The following DENND4C variants were observed in gnomAD, a reference collection of about 807,000 sequenced individuals.
DENND4C encodes DENN domain containing 4C.
Under a neutral mutation model 203.0 loss-of-function variants are expected in DENND4C, and 108 were observed. The ratio of observed to expected loss-of-function variants is 0.53; its 90% confidence interval spans 0.46 to 0.62. The LOEUF is 0.62. Ranked by LOEUF, DENND4C falls within the 20% of genes least tolerant of loss-of-function variation. DENND4C has a pLI of 0.00. For missense variants in DENND4C, 2,481 were observed against 2,301.2 expected, an observed-to-expected ratio of 1.08 and a Z score of -1.60; for synonymous variants, 871 against 792.4, an observed-to-expected ratio of 1.10 and a Z score of -1.67.
At chr9:19,259,662 C>A (rs1162822832) in intron 1 of DENND4C, among the ~76,000 whole-genome samples, 2 of 152,002 alleles carry the variant, frequency 1.3e-5, no homozygotes, top group Non-Finnish European at 2.9e-5. Flanking sequence ...TGTCCCACCA[C>A]TCCTGGCTAA....
chr9:19,336,058 A>T (rs1053873782), intron 18 of DENND4C, among the ~76,000 whole-genome samples: 6 of 152,030 alleles, frequency 3.9e-5, no homozygotes, highest in African/African-American at 1.5e-4. Flanking sequence ...TATTCTAACA[A>T]GTATGAGGTG....
intron 1 of DENND4C, among the ~76,000 whole-genome samples, chr9:19,231,297 G>T (rs930516229): frequency 3.3e-5 from 5 of 152,158 alleles, no homozygotes; most frequent in African/African-American, 1.2e-4. Context: ...GGAGTCGGGG[G>T]ACTGAGAAGT....
chr9:19,365,449 A>G (rs1439268312), intron 30 of DENND4C, among the ~76,000 whole-genome samples: 1 of 152,144 alleles, frequency 6.6e-6, no homozygotes, highest in Non-Finnish European at 1.5e-5. Context: ...CATACTCTTA[A>G]CATACTTTCT....
At chr9:19,368,119 CTT>C (rs1452396431) in intron 30 of DENND4C, among the ~76,000 whole-genome samples, 2 of 152,092 alleles carry the variant, frequency 1.3e-5, no homozygotes, top group Non-Finnish European at 2.9e-5. Flanking sequence ...TGGTTTGAGA[CTT>C]ATCTCAATAA....
rs112631399 is a variant in DENND4C, at chr9:19,334,959, AT to A, written c.2461-6del. On this transcript the variant is annotated splice_polypyrimidine_tract_variant and intron_variant, in intron 17 of 32. Transcript: ENST00000434457. ...ATTAGTATACTAATTACTGACACTG[AT>A]TTTTTTTTTTTGTTAGGTGTGCTAT... The A allele has an allele frequency of 0.094, 89,068 of 944,440 alleles. 1 individual carries two copies. Among genetic ancestry groups the A allele is most frequent in the South Asian group, 0.13 (7,178 of 54,412 alleles). The allele number at this position is 944,440 out of a possible 1,614,324, so 58.5% of individuals were successfully genotyped here.
At chr9:19,370,049 C>T in intron 31 of DENND4C, 62 bp downstream of exon 31, 1 of 1,574,448 alleles carries the variant, frequency 6.4e-7, no homozygotes, top group Non-Finnish European at 8.7e-7. Flanking sequence ...AAAAAAATAT[C>T]TTACTTTTAA....
chr9:19,358,114 A>G lies in DENND4C; in HGVS notation c.5114A>G (p.His1705Arg), dbSNP rs374436723. 2.6e-5 allele frequency: 42 copies of G among 1,613,816 alleles called. No homozygotes were observed. Among genetic ancestry groups the G allele is most frequent in the Non-Finnish European group, 4.2e-6 (5 of 1,179,840 alleles). The change falls in exon 28 of 33, where the codon CAT becomes CGT. Residue 1705 changes from histidine to arginine, a missense_variant. By Grantham distance (29) the His-to-Arg change is conservative. Transcript: ENST00000434457. The surrounding 1 kb of genome is among the most constrained non-coding windows in gnomAD (Gnocchi z 4.8). ...QNIDFTQRPFHGISTVSLPNS... is the reference protein window; with the variant it reads ...QNIDFTQRPFRGISTVSLPNS... ...ATTGACTTTACCCAGCGACCGTTTC[A>G]TGGCATCTCAACAGTTAGTCTTCCA...
intron 13 of DENND4C, among the ~76,000 whole-genome samples, chr9:19,325,632 C>CT (rs1237073872): frequency 2.0e-5 from 3 of 152,046 alleles, no homozygotes; most frequent in African/African-American, 7.2e-5. Context: ...ATGTCAATCA[C>CT]TAATAAAGGG....
intron 1 of DENND4C, among the ~76,000 whole-genome samples, chr9:19,270,096 C>A (rs953558479): frequency 6.6e-6 from 1 of 152,116 alleles, no homozygotes; most frequent in African/African-American, 2.4e-5. Flanking sequence ...TGTTCTCTTT[C>A]CTTATTTTCC....
chr9:19,239,982 C>G (rs779376156), intron 1 of DENND4C, among the ~76,000 whole-genome samples: 1 of 152,110 alleles, frequency 6.6e-6, no homozygotes, highest in Non-Finnish European at 1.5e-5. Context: ...TTTCTGTTTA[C>G]TTGTTCTGTG....
intron 1 of DENND4C, among the ~76,000 whole-genome samples, chr9:19,241,036 A>G (rs1465435590): frequency 6.6e-6 from 1 of 152,208 alleles, no homozygotes; most frequent in African/African-American, 2.4e-5. Flanking sequence ...TAAACGTGGT[A>G]CACCTATAAT....
chr9:19,334,938 G>GT, intron 17 of DENND4C, 39 bp from the exon 18 acceptor site: 1 of 1,544,022 alleles, frequency 6.5e-7, no homozygotes, highest in African/African-American at 1.4e-5. Flanking sequence ...AGATAGATTA[G>GT]TATACTAATT....
intron 10 of DENND4C, among the ~76,000 whole-genome samples, chr9:19,312,314 G>A (rs1400039706): frequency 4.6e-5 from 7 of 152,074 alleles, no homozygotes; most frequent in Admixed American, 4.6e-4. Context: ...TGTTGGCCAG[G>A]CTGGTTTCAA....
At chr9:19,230,966 G>T (rs1408856752) in intron 1 of DENND4C, 133 bp downstream of exon 1, 1 of 152,374 alleles carries the variant, frequency 6.6e-6, no homozygotes, top group African/African-American at 2.4e-5. Context: ...GGCCCGCGGG[G>T]GGTCGCCGAG....
intron 1 of DENND4C, among the ~76,000 whole-genome samples, chr9:19,275,492 A>T (rs778038436): frequency 2.0e-5 from 3 of 151,382 alleles, no homozygotes. Flanking sequence ...ATTTTTTGAG[A>T]TGGAGTTTCT....
intron 20 of DENND4C, chr9:19,337,722 GA>G (rs1588948582): frequency 9.0e-7 from 1 of 1,109,234 alleles, no homozygotes. Flanking sequence ...AAGGGTGGGG[GA>G]AAGACCTTTC....
rs893994390 is a variant in DENND4C, at chr9:19,373,723, A to G, written c.*1550A>G. 6.6e-6 allele frequency among the ~76,000 whole-genome samples: 1 copy of G among 152,184 alleles called. No individual in the cohort carries two copies. The highest frequency in any genetic ancestry group is 2.4e-5 in the African/African-American group (1 of 41,454). On this transcript the variant is annotated 3_prime_UTR_variant, in exon 33 of 33. Transcript: ENST00000434457. ...GCCTTAACTCTCTGCATGGTTTAAA[A>G]AGCCATTGGTTTTGTGTGTGTTTAC...
chr9:19,360,168 T>G, intron 28 of DENND4C, 76 bp from the exon 29 acceptor site: 1 of 1,420,504 alleles, frequency 7.0e-7, no homozygotes, highest in Non-Finnish European at 9.7e-7. Flanking sequence ...TAGAGAGGCA[T>G]TATCTCATTG....
chr9:19,334,793 T>TGTGAGGC (rs1252832532), intron 17 of DENND4C, among the ~76,000 whole-genome samples, 184 bp from the exon 18 acceptor site: 1 of 152,194 alleles, frequency 6.6e-6, no homozygotes, highest in East Asian at 1.9e-4. Flanking sequence ...CCCTAAGTGC[T>TGTGAGGC]GTGAGGCGTG....
Sources: allele counts gnomAD v4.1 joint callset (sites outside exome capture counted in the v4.1 genomes callset), GRCh38; gene constraint gnomAD v4.1.1; non-coding constraint Gnocchi (gnomAD v3.1); transcripts MANE v1.5; gene names NCBI Gene and HGNC (gene_info 2026-07-23, HGNC 2026-07-21).